The following LRRC32 variants were observed in gnomAD, a reference collection of about 807,000 sequenced individuals.
LRRC32 encodes leucine rich repeat containing 32.
Under a neutral mutation model 15.0 loss-of-function variants are expected in LRRC32, and 5 were observed. The observed-to-expected ratio is 0.33, with a 90% CI of 0.17 to 0.70. The LOEUF is 0.70. Among genes scored for constraint, LRRC32 ranks in the 30% least tolerant of loss-of-function variants. The pLI, the probability that LRRC32 is intolerant of heterozygous loss-of-function variation, is 0.66. For missense variants in LRRC32, 803 were observed against 854.2 expected (o/e 0.94, Z 0.75); for synonymous variants, 391 against 403.9 (o/e 0.97, Z 0.38).
intron 1 of LRRC32, among the ~76,000 whole-genome samples, chr11:76,666,365 G>GC (rs3841747): frequency 0.13 from 20,063 of 152,054 alleles, 1,427 homozygotes; most frequent in African/African-American, 0.17. Context: ...TGGAGGGTGG[G>GC]CCTCTGACTA....
rs566211243 is a variant in LRRC32 at position 76,660,900 on chromosome 11, C to T, written c.693G>A (p.Glu231=). The part of the protein sequence containing the change: ...RVLDLSCNSI[E]AFQTASQPQA... ...GGGGCTGGGAGGCCGTCTGAAAGGCCTCGATGCTGTTGCAGCTCAGGTCTA... is the reference window on the plus strand; with the variant it reads ...GGGGCTGGGAGGCCGTCTGAAAGGCTTCGATGCTGTTGCAGCTCAGGTCTA... The change falls in exon 3 of 3, where the codon GAG becomes GAA. Residue 231 remains glutamate (E), a synonymous_variant. Coordinates refer to ENST00000260061, the MANE Select transcript of LRRC32 (RefSeq NM_001128922.2). The T allele has an allele frequency of 6.2e-7, 1 of 1,614,190 alleles. No individual in the cohort carries two copies. The highest frequency in any genetic ancestry group is 1.3e-5 in the African/African-American group (1 of 75,052).
Position 76,661,084 on chromosome 11 carries a change from C to T in LRRC32, c.509G>A (p.Arg170Gln), listed in dbSNP as rs779846345. Residue 170 changes from arginine (R) to glutamine (Q), a missense_variant, in exon 3 of 3, where the codon CGG becomes CAG. Coordinates refer to ENST00000260061, the MANE Select transcript of LRRC32 (RefSeq NM_001128922.2). ...SLTRLTRHTF[R>Q]DMPALEQLDL... Reference sequence around the variant, plus strand: ...AAGCTGCTCCAGCGCAGGCATGTCCCGGAAGGTGTGGCGGGTGAGGCGAGT... The same window carrying T: ...AAGCTGCTCCAGCGCAGGCATGTCCTGGAAGGTGTGGCGGGTGAGGCGAGT... The T allele has an allele frequency of 1.1e-5, 18 of 1,614,094 alleles. No homozygotes were observed. The highest frequency in any genetic ancestry group is 5.0e-5 in the Admixed American group (3 of 60,016).
In LRRC32 at chr11:76,661,477, C is replaced by T. The variant is rs1245550605; in HGVS notation, c.116G>A (p.Gly39Asp). The change falls in exon 3 of 3, where the codon GGC becomes GAC. Residue 39 changes from glycine (G) to aspartate (D), a missense_variant. Transcript: ENST00000260061. ...GAGCACCGAGGGGACCTGGAGCAGG[C>T]CCAGAACCTGGCACGAGACCTTCTT... The part of the protein sequence containing the change: ...VDKKVSCQVL[G>D]LLQVPSVLPP... 6.2e-7 allele frequency: 1 copy of T among 1,611,130 alleles called. No homozygotes were observed.
At chr11:76,666,404 C>T (rs964480927) in intron 1 of LRRC32, among the ~76,000 whole-genome samples, 4 of 152,182 alleles carry the variant, frequency 2.6e-5, no homozygotes, top group Admixed American at 2.6e-4. Flanking sequence ...ACAAGTCCTC[C>T]GTACCAGCTC....
At chr11:76,665,774 ACT>A in intron 2 of LRRC32, 95 bp downstream of exon 2, 1 of 1,564,424 alleles carries the variant, frequency 6.4e-7, no homozygotes, top group Non-Finnish European at 8.7e-7. Context: ...TCCTCTCCTG[ACT>A]CTTCTAACTT....
Position 76,658,297 on chromosome 11 carries a change from C to G in LRRC32, c.*1307G>C, listed in dbSNP as rs909389110. Reference sequence around the variant, plus strand: ...CCATAGTCTCAAACTCCAGGCTCTGCTCAATAGAGGAAAAGGGAATGAGAG... The same window carrying G: ...CCATAGTCTCAAACTCCAGGCTCTGGTCAATAGAGGAAAAGGGAATGAGAG... On this transcript the variant is annotated 3_prime_UTR_variant, in exon 3 of 3. Coordinates refer to ENST00000260061, the MANE Select transcript of LRRC32 (RefSeq NM_001128922.2). 1 of 152,302 alleles carries G rather than the reference C, an allele frequency of 6.6e-6. No individual in the cohort carries two copies. Among genetic ancestry groups the G allele is most frequent in the African/African-American group, 2.4e-5 (1 of 41,428 alleles). The allele number at this position is 152,302 out of a possible 1,614,324, so 9.4% of individuals were successfully genotyped here.
intron 1 of LRRC32, among the ~76,000 whole-genome samples, chr11:76,668,078 CACCATCCTTT>C (rs1952653760): frequency 6.6e-6 from 1 of 152,114 alleles, no homozygotes; most frequent in African/African-American, 2.4e-5. Flanking sequence ...GAGAGGGGCT[CACCATCCTTT>C]AAGATGCATC....
chr11:76,658,146 A>T lies in LRRC32; in HGVS notation c.*1458T>A, dbSNP rs912781150. 2 of 152,424 alleles carry T rather than the reference A, an allele frequency of 1.3e-5. No individual in the cohort carries two copies. Among genetic ancestry groups the T allele is most frequent in the African/African-American group, 4.8e-5 (2 of 41,458 alleles). 9.4% of individuals were successfully genotyped at this position (152,424 alleles called of 1,614,324 possible). Reference sequence around the variant, plus strand: ...CTGAGAGAGGACATCACTCTGGTCCAACCCCCAATCTCACCCCACAAATAA... The same window carrying T: ...CTGAGAGAGGACATCACTCTGGTCCTACCCCCAATCTCACCCCACAAATAA... On this transcript the variant is annotated 3_prime_UTR_variant, in exon 3 of 3. Coordinates refer to ENST00000260061, the MANE Select transcript of LRRC32 (RefSeq NM_001128922.2).
intron 2 of LRRC32, among the ~76,000 whole-genome samples, chr11:76,664,988 C>T (rs1463830700): frequency 3.3e-5 from 5 of 152,250 alleles, no homozygotes; most frequent in Non-Finnish European, 5.9e-5. Context: ...GTGTCATAAG[C>T]TTCTTCGAGT....
At position 76,660,245 on chromosome 11, in the gene LRRC32, G is replaced by A. The variant is rs749254541; in HGVS notation, c.1348C>T (p.Leu450=). The change falls in exon 3 of 3, where the codon CTG becomes TTG. Residue 450 remains leucine (L), a synonymous_variant. Coordinates refer to ENST00000260061, the MANE Select transcript of LRRC32 (RefSeq NM_001128922.2). ...SGITSLRSLS[L]VDNEIELLRA... ...AGCAGCTCTATCTCATTATCCACCA[G>A]GCTCAGGCTGCGGAGGGAGGTGATG... is the stretch of plus-strand genomic sequence containing the variant. The A allele has an allele frequency of 1.3e-6, 2 of 1,575,608 alleles. No individual in the cohort carries two copies. The highest frequency in any genetic ancestry group is 2.4e-5 in the South Asian group (2 of 84,012).
rs1261056844 is a variant in LRRC32, at chr11:76,660,234, A to G, written c.1359T>C (p.Asn453=). 1.9e-6 allele frequency: 3 copies of G among 1,559,214 alleles called. No homozygotes were observed. Among genetic ancestry groups the G allele is most frequent in the African/African-American group, 2.7e-5 (2 of 73,036 alleles). Residue 453 remains asparagine (N), a synonymous_variant, in exon 3 of 3, where the codon AAT becomes AAC. Transcript: ENST00000260061. Reference sequence around the variant, plus strand: ...CCCCTGCCCTGAGCAGCTCTATCTCATTATCCACCAGGCTCAGGCTGCGGA... The same window carrying G: ...CCCCTGCCCTGAGCAGCTCTATCTCGTTATCCACCAGGCTCAGGCTGCGGA... ...TSLRSLSLVD[N]EIELLRAGAF...
chr11:76,663,877 A>AT (rs1199291646), intron 2 of LRRC32: 1 of 152,168 alleles, frequency 6.6e-6, no homozygotes, highest in African/African-American at 2.4e-5. Flanking sequence ...CCCTGTTCCT[A>AT]TTGTACCCCT....
chr11:76,669,314 T>C (rs2120118837), intron 1 of LRRC32, among the ~76,000 whole-genome samples: 1 of 151,068 alleles, frequency 6.6e-6, no homozygotes, highest in African/African-American at 2.4e-5. Flanking sequence ...AGTCGGACTC[T>C]CAGGAGTCCA....
chr11:76,664,046 C>A (rs1278084542), intron 2 of LRRC32, among the ~76,000 whole-genome samples: 1 of 152,212 alleles, frequency 6.6e-6, no homozygotes, highest in Non-Finnish European at 1.5e-5. Flanking sequence ...GACCCACTTA[C>A]TGACTGTTAC....
rs574807645 is a variant in LRRC32 at position 76,658,760 on chromosome 11, G to T, written c.*844C>A. 6.5e-6 allele frequency: 1 copy of T among 153,006 alleles called. No homozygotes were observed. Among genetic ancestry groups the T allele is most frequent in the Admixed American group, 6.5e-5 (1 of 15,308 alleles). The allele number at this position is 153,006 out of a possible 1,614,324, so 9.5% of individuals were successfully genotyped here. Reference sequence around the variant, plus strand: ...CAGATATCTAAGGTTTTAGCTCCTGGCTCAGCAGCCAAGGTGGGGCTGCGA... The same window carrying T: ...CAGATATCTAAGGTTTTAGCTCCTGTCTCAGCAGCCAAGGTGGGGCTGCGA... On this transcript the variant is annotated 3_prime_UTR_variant, in exon 3 of 3. Coordinates refer to ENST00000260061, the MANE Select transcript of LRRC32 (RefSeq NM_001128922.2).
At chr11:76,665,845 C>A (rs143150878) in intron 2 of LRRC32, 26 bp downstream of exon 2, 1 of 1,613,822 alleles carries the variant, frequency 6.2e-7, no homozygotes, top group Non-Finnish European at 8.5e-7. Flanking sequence ...GGGTGGTCCT[C>A]ACCCTGTCTG....
chr11:76,669,359 G>C (rs1174993863), intron 1 of LRRC32, among the ~76,000 whole-genome samples: 1 of 144,240 alleles, frequency 6.9e-6, no homozygotes, highest in African/African-American at 2.5e-5. Context: ...GTGTGTGTGT[G>C]TGTGTGTGTG....
In LRRC32 at chr11:76,660,843, C is replaced by A. The variant is rs776562717; in HGVS notation, c.750G>T (p.Leu250=). ...QAEFQLTWLD[L]RENKLLHFPD... ...GGAAATGGAGCAGTTTGTTCTCCCG[C>A]AGGTCAAGCCAGGTGAGCTGGAACT... is the stretch of plus-strand genomic sequence containing the variant. The change falls in exon 3 of 3, where the codon CTG becomes CTT. Residue 250 remains leucine (L), a synonymous_variant. Transcript: ENST00000260061. The A allele has an allele frequency of 1.9e-6, 3 of 1,614,162 alleles. No homozygotes were observed. In the South Asian group the frequency reaches 3.3e-5, roughly 18 times the overall value.
In LRRC32 at chr11:76,659,367, A is replaced by T; in HGVS notation, c.*237T>A. The T allele has an allele frequency of 1.8e-6, 1 of 543,330 alleles. No homozygotes were observed. The highest frequency in any genetic ancestry group is 3.0e-5 in the East Asian group (1 of 33,002). The allele number at this position is 543,330 out of a possible 1,614,324, so 33.7% of individuals were successfully genotyped here. A position where few individuals can be genotyped will look rare whatever the true frequency, so the allele number is the denominator to read the frequency against. ...GAAGATTTGTTGATCTGACAGGTCAACATTATTCTCGGCTGTCCCTGAAAC... is the reference window on the plus strand; with the variant it reads ...GAAGATTTGTTGATCTGACAGGTCATCATTATTCTCGGCTGTCCCTGAAAC... On this transcript the variant is annotated 3_prime_UTR_variant, in exon 3 of 3. Transcript: ENST00000260061.
Sources: gnomAD v4.1 joint callset for allele counts (sites outside exome capture counted in the v4.1 genomes callset) on GRCh38, gnomAD v4.1.1 for gene constraint, MANE v1.5 for transcripts, NCBI Gene and HGNC (gene_info 2026-07-23, HGNC 2026-07-21) for gene names.